ARHGAP23: variants seen among roughly 807,000 people sequenced by gnomAD.
ARHGAP23 encodes the protein rho GTPase-activating protein 23.
In ARHGAP23, 34 loss-of-function variants were observed where a neutral mutation model predicts 136.3. That is an observed-to-expected ratio of 0.25 (90% CI 0.19 to 0.33). The LOEUF (loss-of-function observed/expected upper bound fraction) is 0.33. Ranked by LOEUF, ARHGAP23 falls within the 10% of genes least tolerant of loss-of-function variation. The probability of loss-of-function intolerance (pLI) is 1.00; values close to 1 mark genes in which losing one functional copy is unlikely to be tolerated. For missense variants in ARHGAP23, 1,808 were observed against 2,139.0 expected (o/e 0.85, Z 3.05); for synonymous variants, 832 against 920.5 (o/e 0.90, Z 1.74).
intron 23 of ARHGAP23, among the ~76,000 whole-genome samples, chr17:38,501,491 C>T (rs527648857): frequency 1.1e-4 from 17 of 152,070 alleles, no homozygotes; most frequent in African/African-American, 3.6e-4. Context: ...TTAGTGGAGA[C>T]GGGGTTTCAC....
In ARHGAP23 at chr17:38,510,653, T is replaced by C; in HGVS notation, c.4157T>C (p.Val1386Ala). The C allele has an allele frequency of 7.3e-7, 1 of 1,375,776 alleles. No individual in the cohort carries two copies. The highest frequency in any genetic ancestry group is 9.3e-7 in the Non-Finnish European group (1 of 1,073,694). The allele number at this position is 1,375,776 out of a possible 1,614,324, so 85.2% of individuals were successfully genotyped here. Residue 1386 changes from valine to alanine, a missense_variant, in exon 24 of 24, where the codon GTG (valine) becomes GCG (alanine). This residue lies in a region of ARHGAP23 where 506 missense variants were observed against 455.8 expected (regional missense o/e 1.11). Transcript: ENST00000622683. This position sits in a 1 kb window ranked among gnomAD's most constrained non-coding sequence, Gnocchi z 4.6. ...LRGTADDMLA[V>A]RLRRPLSPET... ...GGCACGGCGGACGACATGCTCGCCGTGCGCCTGCGGCGGCCGCTGTCGCCC... is the reference window on the plus strand; with the variant it reads ...GGCACGGCGGACGACATGCTCGCCGCGCGCCTGCGGCGGCCGCTGTCGCCC...
intron 16 of ARHGAP23, among the ~76,000 whole-genome samples, chr17:38,483,509 C>T (rs1389222307): frequency 6.6e-6 from 1 of 152,254 alleles, no homozygotes; most frequent in Non-Finnish European, 1.5e-5. Flanking sequence ...CCCTGCTTTG[C>T]CCTGTCTGTT....
At chr17:38,500,382 T>C in intron 22 of ARHGAP23, 1 of 578,776 alleles carries the variant, frequency 1.7e-6, no homozygotes, top group East Asian at 2.9e-5. Flanking sequence ...ACTTCCTGCC[T>C]CTAGAGGAAG....
intron 1 of ARHGAP23, among the ~76,000 whole-genome samples, chr17:38,448,208 C>A (rs1274769529): frequency 6.6e-6 from 1 of 152,078 alleles, no homozygotes; most frequent in Non-Finnish European, 1.5e-5. Flanking sequence ...CCTGTAGGAA[C>A]CTGAGGCTGG....
chr17:38,500,706 G>A (rs1249943828), intron 23 of ARHGAP23, 78 bp downstream of exon 23: 3 of 1,320,518 alleles, frequency 2.3e-6, no homozygotes, highest in African/African-American at 2.9e-5. Context: ...GGGAATTGAG[G>A]GAATGGCAGT....
intron 1 of ARHGAP23, among the ~76,000 whole-genome samples, chr17:38,443,883 A>G (rs766766928): frequency 2.3e-4 from 35 of 152,158 alleles, no homozygotes; most frequent in Non-Finnish European, 4.3e-4. Context: ...GCTGTCAGAC[A>G]ACAGGAAGCA....
chr17:38,478,560 G>A (rs1201368155), intron 12 of ARHGAP23, among the ~76,000 whole-genome samples: 1 of 152,024 alleles, frequency 6.6e-6, no homozygotes, highest in African/African-American at 2.4e-5. Flanking sequence ...GACTATAGGC[G>A]CATGCCACCA....
At chr17:38,487,685 G>C (rs1045311493) in intron 17 of ARHGAP23, among the ~76,000 whole-genome samples, 4 of 152,060 alleles carry the variant, frequency 2.6e-5, no homozygotes, top group Non-Finnish European at 5.9e-5. Flanking sequence ...TGACTGTGGT[G>C]AAACCCCGTC....
intron 1 of ARHGAP23, chr17:38,451,018 T>G (rs567135194): frequency 1.3e-5 from 2 of 152,378 alleles, no homozygotes; most frequent in South Asian, 4.1e-4. Context: ...GGAGGACTCA[T>G]GCTAGGCAGG....
chr17:38,470,235 AT>A (rs1178060663), intron 10 of ARHGAP23, among the ~76,000 whole-genome samples: 1 of 151,894 alleles, frequency 6.6e-6, no homozygotes, highest in Non-Finnish European at 1.5e-5. Flanking sequence ...CGCTCCTGAC[AT>A]TTCACGCCTC....
At position 38,463,210 on chromosome 17, in the gene ARHGAP23, A is replaced by G; in HGVS notation, c.428+14A>G. On this transcript the variant is annotated intron_variant, in intron 5 of 23. Coordinates refer to ENST00000622683, the MANE Select transcript of ARHGAP23 (RefSeq NM_001199417.2). ...GATCCAGAATAGGTGAGTGTCCCTG[A>G]CCCCTCGTCCCATATTATCTCCCCT... 6.4e-7 allele frequency: 1 copy of G among 1,550,804 alleles called. No homozygotes were observed. The highest frequency in any genetic ancestry group is 2.4e-5 in the East Asian group (1 of 40,888).
chr17:38,463,110 G>A lies in ARHGAP23; in HGVS notation c.350-8G>A. ...TTTGGTCACCACTCATGCGCTCCTT[G>A]TCCCCAGGAGACCGGCTGGTAAAGG... On this transcript the variant is annotated splice_region_variant and splice_polypyrimidine_tract_variant and intron_variant, in intron 4 of 23. Coordinates refer to ENST00000622683, the MANE Select transcript of ARHGAP23 (RefSeq NM_001199417.2). 6.4e-7 allele frequency: 1 copy of A among 1,551,138 alleles called. No individual in the cohort carries two copies. Among genetic ancestry groups the A allele is most frequent in the Non-Finnish European group, 8.7e-7 (1 of 1,146,720 alleles).
chr17:38,468,813 T>C (rs1176622680), intron 7 of ARHGAP23, among the ~76,000 whole-genome samples: 1 of 152,056 alleles, frequency 6.6e-6, no homozygotes, highest in Non-Finnish European at 1.5e-5. Context: ...AGGGGAGACA[T>C]AATTCATTCT....
intron 1 of ARHGAP23, among the ~76,000 whole-genome samples, chr17:38,442,281 AC>A (rs1358762201): frequency 2.0e-5 from 3 of 151,192 alleles, no homozygotes; most frequent in Non-Finnish European, 4.4e-5. Context: ...TTATTCCAGC[AC>A]CCCCGACTTC....
At chr17:38,464,909 A>AGCT (rs1172937778) in intron 6 of ARHGAP23, among the ~76,000 whole-genome samples, 1 of 152,132 alleles carries the variant, frequency 6.6e-6, no homozygotes, top group Non-Finnish European at 1.5e-5. Context: ...GGGCCTCGGC[A>AGCT]GCTGCTGACG....
chr17:38,444,093 G>C (rs992378535), intron 1 of ARHGAP23, among the ~76,000 whole-genome samples: 1 of 152,128 alleles, frequency 6.6e-6, no homozygotes, highest in African/African-American at 2.4e-5. Context: ...TGACCAAAGG[G>C]AGACCCCGAG....
chr17:38,459,314 ATC>A (rs2144613365), intron 2 of ARHGAP23, among the ~76,000 whole-genome samples: 1 of 152,258 alleles, frequency 6.6e-6, no homozygotes, highest in African/African-American at 2.4e-5. Context: ...GCATGTGTGT[ATC>A]TCTCTGTGTG....
At chr17:38,498,964 G>C in intron 22 of ARHGAP23, 1 of 699,030 alleles carries the variant, frequency 1.4e-6, no homozygotes, top group Non-Finnish European at 2.6e-6. Context: ...GGTACAGTGC[G>C]GTGTCGCGGC....
chr17:38,497,835 T>A lies in ARHGAP23; in HGVS notation c.3318+9T>A. 6.4e-7 allele frequency: 1 copy of A among 1,551,166 alleles called. No individual in the cohort carries two copies. Among genetic ancestry groups the A allele is most frequent in the Non-Finnish European group, 8.7e-7 (1 of 1,146,840 alleles). ...AGGACAAGGGAGAGAGAGTAAGTGA[T>A]GCCGCGGGCTGGGCTGGCATGGGGG... On this transcript the variant is annotated intron_variant, in intron 21 of 23. Transcript: ENST00000622683.
Sources: allele counts gnomAD v4.1 joint callset (sites outside exome capture counted in the v4.1 genomes callset), GRCh38; gene constraint gnomAD v4.1.1; regional missense constraint gnomAD v4.1.1; non-coding constraint Gnocchi (gnomAD v3.1); transcripts MANE v1.5; gene names NCBI Gene and HGNC (gene_info 2026-07-23, HGNC 2026-07-21).